IL1RAPL1: variants seen among roughly 807,000 people sequenced by gnomAD.
IL1RAPL1 encodes the protein interleukin 1 receptor accessory protein like 1, also known as interleukin-1 receptor accessory protein-like 1.
Under a neutral mutation model 48.4 loss-of-function variants are expected in IL1RAPL1, and 3 were observed. That is an observed-to-expected ratio of 0.06 (90% CI 0.03 to 0.16). The LOEUF is 0.16. Ranked by LOEUF, IL1RAPL1 falls within the 10% of genes least tolerant of loss-of-function variation. The pLI is 1.00. For synonymous variants in IL1RAPL1, 185 were observed against 187.7 expected (o/e 0.99, Z 0.12); for missense variants, 349 against 530.6 (o/e 0.66, Z 3.36).
chrX:29,451,946 T>C (rs1183638872), intron 5 of IL1RAPL1, among the ~76,000 whole-genome samples: 1 of 111,971 alleles, frequency 8.9e-6, no homozygotes, highest in Non-Finnish European at 1.9e-5. Context: ...TCTAAGACTT[T>C]TTGTGCATAT....
chrX:29,741,405 G>C (rs1034712224), intron 6 of IL1RAPL1, among the ~76,000 whole-genome samples: 11 of 111,896 alleles, frequency 9.8e-5, no homozygotes, highest in Non-Finnish European at 1.9e-4. Context: ...ACGGATAAGG[G>C]TGGCATATTT....
chrX:29,271,809 G>T lies in IL1RAPL1; in HGVS notation c.83-11129G>T, dbSNP rs1164136586. On this transcript the variant is annotated intron_variant, in intron 2 of 10. Coordinates refer to ENST00000378993, the MANE Select transcript of IL1RAPL1 (RefSeq NM_014271.4). Reference sequence around the variant, plus strand: ...GTTTGCAAATACTTTCTCCCATTCTGTGTGTTGTATGTTTACTCTCTTGAT... The same window carrying T: ...GTTTGCAAATACTTTCTCCCATTCTTTGTGTTGTATGTTTACTCTCTTGAT... 5.4e-5 allele frequency among the ~76,000 whole-genome samples: 6 copies of T among 111,890 alleles called. No individual in the cohort carries two copies. In the East Asian group the frequency reaches 1.7e-3, roughly 31 times the overall value.
At chrX:28,957,654 G>GT (rs201727744) in intron 2 of IL1RAPL1, among the ~76,000 whole-genome samples, 3 of 107,543 alleles carry the variant, frequency 2.8e-5, no homozygotes, top group African/African-American at 6.8e-5. Flanking sequence ...ACGGGATTTA[G>GT]TTTTTTTTTA....
chrX:29,149,950 C>T (rs753172162), intron 2 of IL1RAPL1, among the ~76,000 whole-genome samples: 45 of 111,575 alleles, frequency 4.0e-4, no homozygotes, highest in South Asian at 3.8e-4. Context: ...TTTTAATTCC[C>T]GGTACTGTCA....
intron 1 of IL1RAPL1, among the ~76,000 whole-genome samples, chrX:28,709,004 C>G (rs928518404): frequency 2.7e-5 from 3 of 111,521 alleles, no homozygotes; most frequent in Non-Finnish European, 3.8e-5. Context: ...ACATGTACCC[C>G]CATACATTTG....
intron 2 of IL1RAPL1, among the ~76,000 whole-genome samples, chrX:29,059,468 T>C (rs1927294803): frequency 8.9e-6 from 1 of 112,091 alleles, no homozygotes; most frequent in Admixed American, 9.5e-5. Flanking sequence ...ACTATAGTTT[T>C]CATAGGGCTT....
rs141377776 is a variant in IL1RAPL1, at chrX:29,312,178, G to A, written c.362+28961G>A. Among the ~76,000 whole-genome samples the A allele has an allele frequency of 0.012, 1,384 of 111,688 alleles. 67 individuals are homozygous for A. The East Asian group carries it at 0.16, about 13-fold the overall frequency. ...TCCCCGGCCAGGCGTGGTGGCTCACGCCTGTAATCCCTGTGCTTTGGGAGG... is the reference window on the plus strand; with the variant it reads ...TCCCCGGCCAGGCGTGGTGGCTCACACCTGTAATCCCTGTGCTTTGGGAGG... On this transcript the variant is annotated intron_variant, in intron 3 of 10. Coordinates refer to ENST00000378993, the MANE Select transcript of IL1RAPL1 (RefSeq NM_014271.4).
At chrX:29,762,194 C>T (rs903653141) in intron 6 of IL1RAPL1, among the ~76,000 whole-genome samples, 3 of 111,727 alleles carry the variant, frequency 2.7e-5, no homozygotes, top group East Asian at 2.8e-4. Flanking sequence ...CATTGAAATG[C>T]GAGACAGTGT....
At chrX:28,909,336 C>G (rs887576155) in intron 2 of IL1RAPL1, among the ~76,000 whole-genome samples, 8 of 111,442 alleles carry the variant, frequency 7.2e-5, no homozygotes, top group African/African-American at 2.6e-4. Flanking sequence ...ATATGCAGGT[C>G]TCTCTGAAAG....
intron 2 of IL1RAPL1, among the ~76,000 whole-genome samples, chrX:29,178,024 T>G (rs1211389528): frequency 3.6e-5 from 4 of 111,969 alleles, no homozygotes; most frequent in Non-Finnish European, 1.9e-5. Flanking sequence ...TCCAAGTCTT[T>G]GCTATTGTGA....
intron 4 of IL1RAPL1, among the ~76,000 whole-genome samples, chrX:29,396,908 G>A (rs1933925927): frequency 1.8e-5 from 2 of 111,596 alleles, no homozygotes. Flanking sequence ...TCTTTTTCAT[G>A]TATAAACATA....
At chrX:28,893,610 T>TC (rs1342753437) in intron 2 of IL1RAPL1, among the ~76,000 whole-genome samples, 1 of 111,048 alleles carries the variant, frequency 9.0e-6, no homozygotes, top group Non-Finnish European at 1.9e-5. Flanking sequence ...CGGGGGCAAA[T>TC]CCCTGAGCTT....
chrX:28,659,988 A>G (rs1397128756), intron 1 of IL1RAPL1, among the ~76,000 whole-genome samples: 2 of 110,358 alleles, frequency 1.8e-5, no homozygotes, highest in Admixed American at 9.7e-5. Context: ...GCATTGTTTT[A>G]TCTTGACTTT....
chrX:28,825,831 G>A (rs1936989484), intron 2 of IL1RAPL1, among the ~76,000 whole-genome samples: 1 of 111,220 alleles, frequency 9.0e-6, no homozygotes, highest in Non-Finnish European at 1.9e-5. Context: ...AGGTTTAATT[G>A]CATTCCTGTA....
chrX:29,355,329 A>G (rs1259002979), intron 3 of IL1RAPL1, among the ~76,000 whole-genome samples: 1 of 111,964 alleles, frequency 8.9e-6, no homozygotes, highest in Non-Finnish European at 1.9e-5. Flanking sequence ...GAAATAACCC[A>G]AAGGATGGGC....
intron 2 of IL1RAPL1, among the ~76,000 whole-genome samples, chrX:29,187,277 A>C (rs1930269300): frequency 8.9e-6 from 1 of 112,034 alleles, no homozygotes; most frequent in African/African-American, 3.2e-5. Context: ...ACTAATCCTC[A>C]GAATCTTCTG....
chrX:29,603,877 A>G (rs2147063608), intron 5 of IL1RAPL1, among the ~76,000 whole-genome samples: 1 of 112,485 alleles, frequency 8.9e-6, no homozygotes, highest in Admixed American at 9.4e-5. Context: ...TTGATTTAAT[A>G]TATTCTAGGA....
chrX:29,083,954 G>A (rs902166955), intron 2 of IL1RAPL1, among the ~76,000 whole-genome samples: 5 of 111,394 alleles, frequency 4.5e-5, no homozygotes, highest in Non-Finnish European at 9.4e-5. Flanking sequence ...GACAGGTCTG[G>A]TTAGGATATT....
intron 1 of IL1RAPL1, among the ~76,000 whole-genome samples, chrX:28,741,331 G>A (rs1303641585): frequency 1.8e-5 from 2 of 111,692 alleles, no homozygotes; most frequent in African/African-American, 6.5e-5. Flanking sequence ...TTGGCCATAT[G>A]TATGTCTTTT....
Sources: gnomAD v4.1 joint callset for allele counts (sites outside exome capture counted in the v4.1 genomes callset) on GRCh38, gnomAD v4.1.1 for gene constraint, MANE v1.5 for transcripts, NCBI Gene and HGNC (gene_info 2026-07-23, HGNC 2026-07-21) for gene names.